Variants in MARCHF1 observed in about 807,000 individuals in gnomAD.
The protein encoded by MARCHF1 is membrane associated ring-CH-type finger 1, also known as E3 ubiquitin-protein ligase MARCHF1.
In MARCHF1, 40 loss-of-function variants were observed where a neutral mutation model predicts 54.2. That is an observed-to-expected ratio of 0.74 (90% CI 0.57 to 0.96). The LOEUF (loss-of-function observed/expected upper bound fraction) is 0.96. Among genes scored for constraint, MARCHF1 ranks in the 40% least tolerant of loss-of-function variants. MARCHF1 has a pLI of 0.00. For synonymous variants in MARCHF1, 236 were observed against 236.3 expected, an observed-to-expected ratio of 1.00 and a Z score of 0.01; for missense variants, 586 against 656.5, an observed-to-expected ratio of 0.89 and a Z score of 1.17.
At chr4:163,713,621 C>T (rs1745174088) in intron 4 of MARCHF1, among the ~76,000 whole-genome samples, 1 of 152,128 alleles carries the variant, frequency 6.6e-6, no homozygotes, top group South Asian at 2.1e-4. Context: ...ATATTAAAGG[C>T]ATAGCTGTTA....
intron 1 of MARCHF1, among the ~76,000 whole-genome samples, chr4:164,209,059 TATAAA>T (rs1313498094): frequency 6.6e-6 from 1 of 150,942 alleles, no homozygotes; most frequent in Non-Finnish European, 1.5e-5. Flanking sequence ...TGTGTGTGTG[TATAAA>T]ATAAAAGTTG....
At chr4:163,783,130 A>G (rs1002117235) in intron 4 of MARCHF1, among the ~76,000 whole-genome samples, 1 of 152,246 alleles carries the variant, frequency 6.6e-6, no homozygotes, top group African/African-American at 2.4e-5. Context: ...TATCTGATAT[A>G]TGCCTTCAAC....
chr4:164,331,289 T>G (rs1735427896), intron 1 of MARCHF1, among the ~76,000 whole-genome samples: 1 of 152,046 alleles, frequency 6.6e-6, no homozygotes, highest in African/African-American at 2.4e-5. Flanking sequence ...ATGCAAGAAT[T>G]AATTATGATG....
At chr4:163,623,366 G>C (rs189974883) in intron 5 of MARCHF1, among the ~76,000 whole-genome samples, 1 of 152,186 alleles carries the variant, frequency 6.6e-6, no homozygotes, top group Admixed American at 6.5e-5. Flanking sequence ...ACTGGGTCAC[G>C]ACTTCTCAGT....
At chr4:164,150,019 A>T (rs2110903663) in intron 1 of MARCHF1, among the ~76,000 whole-genome samples, 1 of 152,280 alleles carries the variant, frequency 6.6e-6, no homozygotes, top group East Asian at 1.9e-4. Context: ...GTTTCTATTT[A>T]GACACTATAT....
At chr4:164,325,669 C>T (rs958097485) in intron 1 of MARCHF1, among the ~76,000 whole-genome samples, 8 of 151,932 alleles carry the variant, frequency 5.3e-5, no homozygotes, top group Middle Eastern at 6.8e-3. Context: ...GTGGAAGTTG[C>T]AGTGAGCCAA....
chr4:163,911,946 G>A (rs1487694946), intron 3 of MARCHF1, among the ~76,000 whole-genome samples: 10 of 152,060 alleles, frequency 6.6e-5, no homozygotes, highest in African/African-American at 2.2e-4. Flanking sequence ...ACTATGTTGT[G>A]GTAGCGCTAG....
At position 163,973,809 on chromosome 4, in the gene MARCHF1, T is replaced by C. The variant is rs1579432684; in HGVS notation, c.-39+14692A>G. ...GTCCCTCTTGTTCACCAACATATTC[T>C]GAGTAGCCAGCCCAGTGCTTGGCTC... is the stretch of plus-strand genomic sequence containing the variant. On this transcript the variant is annotated intron_variant, in intron 3 of 9. Transcript: ENST00000514618. 2.0e-5 allele frequency among the ~76,000 whole-genome samples: 3 copies of C among 152,228 alleles called. No homozygotes were observed. The South Asian group carries it at 6.2e-4, about 32-fold the overall frequency.
At chr4:163,778,282 A>T (rs1747361437) in intron 4 of MARCHF1, among the ~76,000 whole-genome samples, 1 of 152,200 alleles carries the variant, frequency 6.6e-6, no homozygotes, top group African/African-American at 2.4e-5. Context: ...GTAAATACCT[A>T]GGAGACAAAT....
At position 163,641,021 on chromosome 4, in the gene MARCHF1, T is replaced by TTTAACAGAAAACTTC. The variant is rs556006284; in HGVS notation, c.163-27629_163-27628insGAAGTTTTCTGTTAA. ...CTTCCTTCACTTATAAATTCTGTTT[T>TTTAACAGAAAACTTC]TTTATGATTTTAACATAAAACTTCA... On this transcript the variant is annotated intron_variant, in intron 5 of 9. Transcript: ENST00000514618. Among the ~76,000 whole-genome samples, 1,078 of 152,232 alleles carry TTTAACAGAAAACTTC rather than the reference T, an allele frequency of 7.1e-3. 11 individuals are homozygous for TTTAACAGAAAACTTC. Among genetic ancestry groups the TTTAACAGAAAACTTC allele is most frequent in the African/African-American group, 0.024 (1,018 of 41,592 alleles).
chr4:163,832,157 G>C (rs891244624), intron 4 of MARCHF1, among the ~76,000 whole-genome samples: 3 of 152,160 alleles, frequency 2.0e-5, no homozygotes, highest in African/African-American at 7.2e-5. Context: ...GAGATTGGAG[G>C]TACATGACAA....
At chr4:163,644,644 T>C (rs1257492849) in intron 5 of MARCHF1, among the ~76,000 whole-genome samples, 1 of 152,114 alleles carries the variant, frequency 6.6e-6, no homozygotes, top group African/African-American at 2.4e-5. Flanking sequence ...AGCATAGCCA[T>C]CCATGTTCCC....
At chr4:163,622,563 C>T (rs1179917811) in intron 5 of MARCHF1, among the ~76,000 whole-genome samples, 1 of 152,060 alleles carries the variant, frequency 6.6e-6, no homozygotes, top group Non-Finnish European at 1.5e-5. Flanking sequence ...CAAAATTTAC[C>T]ACACTACCCA....
chr4:164,311,762 A>G (rs932050136), intron 1 of MARCHF1, among the ~76,000 whole-genome samples: 3 of 152,206 alleles, frequency 2.0e-5, no homozygotes, highest in Non-Finnish European at 4.4e-5. Flanking sequence ...TGTGTTTCAC[A>G]TAAGACTTAA....
At chr4:163,595,914 T>G (rs1480829632) in intron 7 of MARCHF1, among the ~76,000 whole-genome samples, 2 of 151,798 alleles carry the variant, frequency 1.3e-5, no homozygotes, top group Non-Finnish European at 2.9e-5. Flanking sequence ...TGTTAAGGGT[T>G]TTTTAACCAC....
intron 4 of MARCHF1, among the ~76,000 whole-genome samples, chr4:163,720,601 C>G (rs539287275): frequency 6.6e-6 from 1 of 152,284 alleles, no homozygotes; most frequent in African/African-American, 2.4e-5. Context: ...GGCATTGAAT[C>G]TGTAAATTAC....
chr4:164,060,072 T>G (rs1048526890), intron 2 of MARCHF1, among the ~76,000 whole-genome samples: 15 of 152,124 alleles, frequency 9.9e-5, no homozygotes, highest in Non-Finnish European at 1.5e-4. Context: ...CAAATCAGCA[T>G]ATATTCAAAT....
chr4:164,330,174 TAAA>T (rs10713917), intron 1 of MARCHF1: 18,072 of 143,728 alleles, frequency 0.13, 1,817 homozygotes, highest in East Asian at 0.42. Flanking sequence ...GAAGGAAGGT[TAAA>T]AAAAAAAAAA....
intron 2 of MARCHF1, among the ~76,000 whole-genome samples, chr4:163,992,573 TGA>T (rs954976282): frequency 3.7e-4 from 56 of 151,948 alleles, no homozygotes; most frequent in African/African-American, 1.3e-3. Context: ...GATTGGCATA[TGA>T]GAGTTCAGGA....
Sources: allele counts gnomAD v4.1 joint callset (sites outside exome capture counted in the v4.1 genomes callset), GRCh38; gene constraint gnomAD v4.1.1; transcripts MANE v1.5; gene names NCBI Gene and HGNC (gene_info 2026-07-23, HGNC 2026-07-21).